The following CADM2 variants were observed in gnomAD, a reference collection of about 807,000 sequenced individuals.
CADM2 encodes immunoglobulin superfamily member 4D.
In CADM2, 12 loss-of-function variants were observed where a neutral mutation model predicts 49.8. The observed-to-expected ratio is 0.24, with a 90% CI of 0.15 to 0.39. CADM2 has a LOEUF of 0.39. CADM2 is among the 10% of genes least tolerant of loss of function. CADM2 has a pLI of 1.00. For synonymous variants in CADM2, 214 were observed against 175.4 expected (o/e 1.22, Z -1.74); for missense variants, 378 against 492.3 (o/e 0.77, Z 2.20).
At chr3:85,856,218 A>G (rs2075312018) in intron 3 of CADM2, among the ~76,000 whole-genome samples, 1 of 152,222 alleles carries the variant, frequency 6.6e-6, no homozygotes, top group African/African-American at 2.4e-5. Context: ...TTATTCTACT[A>G]TATAGCTTAT....
Position 86,019,891 on chromosome 3 carries a change from C to A in CADM2, c.971-45714C>A, listed in dbSNP as rs543132973. ...TTATTTCCTTCTCCTGCCTAATTGC[C>A]CTGGCCAAAATTGACACCCTAACAT... On this transcript the variant is annotated intron_variant, in intron 8 of 9. Coordinates refer to ENST00000383699, the MANE Select transcript of CADM2 (RefSeq NM_001167675.2). Among the ~76,000 whole-genome samples the A allele has an allele frequency of 7.2e-5, 11 of 152,076 alleles. No homozygotes were observed. The South Asian group carries it at 8.3e-4, about 11-fold the overall frequency.
In CADM2 at chr3:86,021,398, C is replaced by T. The variant is rs1229366568; in HGVS notation, c.971-44207C>T. On this transcript the variant is annotated intron_variant, in intron 8 of 9. Transcript: ENST00000383699. Reference sequence around the variant, plus strand: ...CCCGGAGGAATATATTTCCTTCTGTCCTATATCAGTGATGTACCTTAGCTT... The same window carrying T: ...CCCGGAGGAATATATTTCCTTCTGTTCTATATCAGTGATGTACCTTAGCTT... Among the ~76,000 whole-genome samples the T allele has an allele frequency of 3.9e-4, 59 of 152,222 alleles. No homozygotes were observed. In the South Asian group the frequency reaches 0.012, roughly 31 times the overall value.
At chr3:85,745,410 AG>A (rs1228030846) in intron 2 of CADM2, among the ~76,000 whole-genome samples, 1 of 151,986 alleles carries the variant, frequency 6.6e-6, no homozygotes, top group Non-Finnish European at 1.5e-5. Context: ...TTGTGTTGGA[AG>A]GGGGAAGGCT....
chr3:85,143,869 GGTTCTCAT>G, intron 1 of CADM2, among the ~76,000 whole-genome samples: 1 of 152,176 alleles, frequency 6.6e-6, no homozygotes, highest in Middle Eastern at 3.4e-3. Flanking sequence ...GTTTTCCAGA[GGTTCTCAT>G]TTCACTCAAA....
At chr3:85,811,416 A>T (rs1421002008) in intron 3 of CADM2, among the ~76,000 whole-genome samples, 1 of 152,182 alleles carries the variant, frequency 6.6e-6, no homozygotes, top group Non-Finnish European at 1.5e-5. Flanking sequence ...TAATTTATGT[A>T]TTATTTTATC....
At chr3:85,601,147 T>TAC (rs2063386097) in intron 1 of CADM2, among the ~76,000 whole-genome samples, 1 of 117,722 alleles carries the variant, frequency 8.5e-6, no homozygotes, top group Non-Finnish European at 1.8e-5. Flanking sequence ...TATATATATA[T>TAC]ATATATATAT....
chr3:85,399,938 T>G (rs1015916988), intron 1 of CADM2, among the ~76,000 whole-genome samples: 1 of 152,194 alleles, frequency 6.6e-6, no homozygotes, highest in Admixed American at 6.5e-5. Context: ...ACTTCCTGTT[T>G]TCCTAATTGA....
At chr3:84,982,849 G>T (rs917430812) in intron 1 of CADM2, among the ~76,000 whole-genome samples, 1 of 150,754 alleles carries the variant, frequency 6.6e-6, no homozygotes, top group Non-Finnish European at 1.5e-5. Context: ...TGGTTCAAGC[G>T]ATTCTCCTGC....
At chr3:85,049,447 T>C (rs946460343) in intron 1 of CADM2, among the ~76,000 whole-genome samples, 1 of 151,676 alleles carries the variant, frequency 6.6e-6, no homozygotes, top group African/African-American at 2.4e-5. Flanking sequence ...GCCTCCCGGG[T>C]TCACGCCATT....
intron 1 of CADM2, among the ~76,000 whole-genome samples, chr3:85,287,006 G>A (rs2043649362): frequency 6.6e-6 from 1 of 152,088 alleles, no homozygotes; most frequent in Non-Finnish European, 1.5e-5. Flanking sequence ...AAAATATATT[G>A]TTAGTTTGAA....
chr3:85,959,036 C>CTGTATCTA (rs1553713689), intron 7 of CADM2, among the ~76,000 whole-genome samples: 1 of 148,878 alleles, frequency 6.7e-6, no homozygotes, highest in African/African-American at 2.5e-5. Flanking sequence ...AAATCTATAT[C>CTGTATCTA]TATATCTATA....
At chr3:85,294,885 G>A (rs919229697) in intron 1 of CADM2, among the ~76,000 whole-genome samples, 8 of 152,122 alleles carry the variant, frequency 5.3e-5, no homozygotes, top group African/African-American at 1.9e-4. Context: ...CATGGGCAAG[G>A]ACTTCATGAC....
intron 8 of CADM2, among the ~76,000 whole-genome samples, chr3:86,055,474 T>TG (rs1224947457): frequency 1.7e-4 from 21 of 126,334 alleles, no homozygotes; most frequent in Non-Finnish European, 2.2e-4. Context: ...TTTTTTTTTT[T>TG]TTTTTGGTTT....
At position 85,798,392 on chromosome 3, in the gene CADM2, C is replaced by T. The variant is rs138606391; in HGVS notation, c.89-3655C>T. Among the ~76,000 whole-genome samples, 222 of 152,136 alleles carry T rather than the reference C, an allele frequency of 1.5e-3. 1 individual carries two copies. The highest frequency in any genetic ancestry group is 4.8e-3 in the African/African-American group (198 of 41,530). On this transcript the variant is annotated intron_variant, in intron 2 of 9. Coordinates refer to ENST00000383699, the MANE Select transcript of CADM2 (RefSeq NM_001167675.2). ...TCTAGGTTTTCATCTAGGGTTTTTA[C>T]GGTTTCAGATCTTAATGTTTAAATC... is the stretch of plus-strand genomic sequence containing the variant.
intron 1 of CADM2, among the ~76,000 whole-genome samples, chr3:85,648,970 T>C (rs72913170): frequency 0.021 from 3,186 of 152,204 alleles, 103 homozygotes; most frequent in African/African-American, 0.072. Context: ...AGCTATTATT[T>C]TGATGATTTA....
At chr3:85,740,651 A>G (rs1045914380) in intron 2 of CADM2, among the ~76,000 whole-genome samples, 1 of 152,144 alleles carries the variant, frequency 6.6e-6, no homozygotes, top group Non-Finnish European at 1.5e-5. Flanking sequence ...CAGATCCTGC[A>G]GGTTTTAAAA....
At chr3:85,403,123 T>C (rs1329905697) in intron 1 of CADM2, among the ~76,000 whole-genome samples, 2 of 152,082 alleles carry the variant, frequency 1.3e-5, no homozygotes, top group Admixed American at 1.3e-4. Context: ...TAAGAAAAAA[T>C]GAATGAAATT....
chr3:85,601,759 C>T (rs1348672660), intron 1 of CADM2, among the ~76,000 whole-genome samples: 1 of 151,268 alleles, frequency 6.6e-6, no homozygotes, highest in Non-Finnish European at 1.5e-5. Context: ...TCTTTGTGTT[C>T]ATTTACTATG....
chr3:85,445,437 G>T (rs1193416276), intron 1 of CADM2, among the ~76,000 whole-genome samples: 1 of 151,982 alleles, frequency 6.6e-6, no homozygotes, highest in Non-Finnish European at 1.5e-5. Flanking sequence ...TGTCTGTAAT[G>T]AGATTAAGTA....
Sources: gnomAD v4.1 joint callset for allele counts (sites outside exome capture counted in the v4.1 genomes callset) on GRCh38, gnomAD v4.1.1 for gene constraint, MANE v1.5 for transcripts, NCBI Gene and HGNC (gene_info 2026-07-23, HGNC 2026-07-21) for gene names.